SNX31: variants seen among roughly 807,000 people sequenced by gnomAD.
The protein encoded by SNX31 is sorting nexin-31.
In SNX31, 58 loss-of-function variants were observed where a neutral mutation model predicts 65.4. The ratio of observed to expected loss-of-function variants is 0.89; its 90% CI spans 0.72 to 1.10. The LOEUF is 1.10. Among genes scored for constraint, SNX31 ranks in the 50% least tolerant of loss-of-function variants. The probability of loss-of-function intolerance (pLI) is 0.00; values close to 1 mark genes in which losing one functional copy is unlikely to be tolerated. For missense variants in SNX31, 523 were observed against 529.7 expected, an observed-to-expected ratio of 0.99 and a Z score of 0.12; for synonymous variants, 181 against 190.1, an observed-to-expected ratio of 0.95 and a Z score of 0.39.
At chr8:100,651,787 C>T (rs1253856041), upstream of SNX31, among the ~76,000 whole-genome samples, 2 of 152,206 alleles carry the variant, frequency 1.3e-5, no homozygotes, top group Non-Finnish European at 2.9e-5. Context: ...ATATTATTCT[C>T]ATTTCACAGA....
chr8:100,603,634 A>G (rs1029094367), intron 8 of SNX31, among the ~76,000 whole-genome samples: 6 of 151,476 alleles, frequency 4.0e-5, no homozygotes, highest in Non-Finnish European at 8.8e-5. Flanking sequence ...ATGGGGTTTC[A>G]CCATGTTGGT....
At position 100,626,588 on chromosome 8, in the gene SNX31, C is replaced by T. The variant is rs183174485; in HGVS notation, c.321+3739G>A. 6.6e-6 allele frequency among the ~76,000 whole-genome samples: 1 copy of T among 152,276 alleles called. No homozygotes were observed. The highest frequency in any genetic ancestry group is 1.9e-4 in the East Asian group (1 of 5,176). ...TACAACAGATTCGATGAATTCAACT[C>T]AGGCCCCCTCCCCAGTACTATGTGT... On this transcript the variant is annotated intron_variant, in intron 4 of 13. Coordinates refer to ENST00000311812, the MANE Select transcript of SNX31 (RefSeq NM_152628.4). This position sits in a 1 kb window ranked among gnomAD's most constrained non-coding sequence, Gnocchi z 4.4.
At chr8:100,635,772 A>T in intron 3 of SNX31, 125 bp downstream of exon 3, 1 of 629,196 alleles carries the variant, frequency 1.6e-6, no homozygotes, top group Non-Finnish European at 2.7e-6. Context: ...AGATTACGGT[A>T]ATGGTCGCAC....
In SNX31 at chr8:100,618,400, G is replaced by C. The variant is rs1286131919; in HGVS notation, c.322-670C>G. ...ATTTTTTCTGACACTAATTGTGGGT[G>C]GGGGCAGGGGGAAGGTGTTTCCATG... is the stretch of plus-strand genomic sequence containing the variant. On this transcript the variant is annotated intron_variant, in intron 4 of 13. Coordinates refer to ENST00000311812, the MANE Select transcript of SNX31 (RefSeq NM_152628.4). 5 of 1,370,348 alleles carry C rather than the reference G, an allele frequency of 3.6e-6. No individual in the cohort carries two copies. In the East Asian group the frequency reaches 7.5e-5, roughly 20 times the overall value. The allele number at this position is 1,370,348 out of a possible 1,614,324, so 84.9% of individuals were successfully genotyped here.
chr8:100,662,535 T>C lies in SNX31; in HGVS notation c.-58+607A>G, dbSNP rs997794096. Among the ~76,000 whole-genome samples the C allele has an allele frequency of 2.0e-5, 3 of 152,162 alleles. No homozygotes were observed. In the South Asian group the frequency reaches 6.2e-4, roughly 32 times the overall value. Reference sequence around the variant, plus strand: ...CAACGTGGTGAAAACCCGTCTCTACTAAAATACAAAAATTAGCCAGGCGTT... The same window carrying C: ...CAACGTGGTGAAAACCCGTCTCTACCAAAATACAAAAATTAGCCAGGCGTT... On this transcript the variant is annotated intron_variant, in intron 1 of 5. Coordinates refer to the SNX31 transcript ENST00000520352.
chr8:100,581,397 T>C (rs1449896530), intron 12 of SNX31, among the ~76,000 whole-genome samples: 1 of 149,752 alleles, frequency 6.7e-6, no homozygotes, highest in Non-Finnish European at 1.5e-5. Flanking sequence ...GCTGTATGTT[T>C]ACATTATTCT....
In SNX31 at chr8:100,575,243, T is replaced by TATTAA. The variant is rs1812951175; in HGVS notation, c.1228-1284_1228-1283insTTAAT. 6.6e-6 allele frequency among the ~76,000 whole-genome samples: 1 copy of TATTAA among 152,266 alleles called. No homozygotes were observed. The highest frequency in any genetic ancestry group is 6.5e-5 in the Admixed American group (1 of 15,288). On this transcript the variant is annotated intron_variant, in intron 13 of 13. Coordinates refer to ENST00000311812, the MANE Select transcript of SNX31 (RefSeq NM_152628.4). The surrounding 1 kb of genome is among the most constrained non-coding windows in gnomAD (Gnocchi z 5.1). ...TACTGGCTCTGATATTAACTGACTG[T>TATTAA]GTGACCTTGAGCAAGTGACTTAACC...
intron 3 of SNX31, among the ~76,000 whole-genome samples, chr8:100,632,974 G>A (rs1208877962): frequency 6.6e-6 from 1 of 152,062 alleles, no homozygotes; most frequent in African/African-American, 2.4e-5. Context: ...GCCCAGCATG[G>A]AGTGCAGTGG....
In SNX31 at chr8:100,576,718, T is replaced by C. The variant is rs183445125; in HGVS notation, c.1227+301A>G. ...CAAAATATACTAGATATGTAACATA[T>C]ACAAATTAGAAAGAGAGTTGCCTCC... On this transcript the variant is annotated intron_variant, in intron 13 of 13. Coordinates refer to ENST00000311812, the MANE Select transcript of SNX31 (RefSeq NM_152628.4). The surrounding 1 kb of genome is among the most constrained non-coding windows in gnomAD (Gnocchi z 4.8). Among the ~76,000 whole-genome samples the C allele has an allele frequency of 6.6e-6, 1 of 152,236 alleles. No homozygotes were observed. The highest frequency in any genetic ancestry group is 6.5e-5 in the Admixed American group (1 of 15,286).
Position 100,588,988 on chromosome 8 carries a change from G to A in SNX31, c.979-9C>T. 1 of 1,599,830 alleles carries A rather than the reference G, an allele frequency of 6.3e-7. No individual in the cohort carries two copies. The highest frequency in any genetic ancestry group is 8.6e-7 in the Non-Finnish European group (1 of 1,168,628). On this transcript the variant is annotated splice_polypyrimidine_tract_variant and intron_variant, in intron 10 of 13. Coordinates refer to ENST00000311812, the MANE Select transcript of SNX31 (RefSeq NM_152628.4). This position sits in a 1 kb window ranked among gnomAD's most constrained non-coding sequence, Gnocchi z 4.8. ...GTATCCAGCAGAGTTCCCTACAAAG[G>A]AAAATATTTTATATTCAATGTAAAT...
intron 3 of SNX31, among the ~76,000 whole-genome samples, chr8:100,633,249 A>G (rs1818530522): frequency 6.6e-6 from 1 of 152,076 alleles, no homozygotes; most frequent in African/African-American, 2.4e-5. Context: ...TGAAGTTTGA[A>G]TAAGGTCTCT....
rs181184495 is a variant in SNX31 at position 100,633,324 on chromosome 8, T to C, written c.256+2573A>G. Among the ~76,000 whole-genome samples the C allele has an allele frequency of 1.5e-3, 222 of 152,366 alleles. 2 individuals are homozygous for C. Among genetic ancestry groups the C allele is most frequent in the African/African-American group, 5.2e-3 (217 of 41,592 alleles). On this transcript the variant is annotated intron_variant, in intron 3 of 13. Coordinates refer to ENST00000311812, the MANE Select transcript of SNX31 (RefSeq NM_152628.4). ...ATATTGAACATTATTGTATCAATGT[T>C]GTTTCCTGATTTTGCTAACTATACT...
At chr8:100,601,793 C>T (rs539891796) in intron 8 of SNX31, among the ~76,000 whole-genome samples, 8 of 152,308 alleles carry the variant, frequency 5.3e-5, no homozygotes, top group African/African-American at 1.9e-4. Flanking sequence ...AGGCAGAAAT[C>T]GCCTTGAAGG....
chr8:100,646,468 A>G (rs1819649415), intron 2 of SNX31, among the ~76,000 whole-genome samples: 1 of 152,216 alleles, frequency 6.6e-6, no homozygotes, highest in Admixed American at 6.5e-5. Context: ...ATTCTTTCCT[A>G]AATCTGAACA....
intron 10 of SNX31, among the ~76,000 whole-genome samples, chr8:100,593,321 A>G (rs1287401342): frequency 1.3e-5 from 2 of 152,236 alleles, no homozygotes; most frequent in East Asian, 3.8e-4. Flanking sequence ...GATTTTTGAC[A>G]AAGGTATATA....
chr8:100,625,722 G>A lies in SNX31; in HGVS notation c.321+4605C>T, dbSNP rs1171316601. Among the ~76,000 whole-genome samples, 1 of 152,164 alleles carries A rather than the reference G, an allele frequency of 6.6e-6. No individual in the cohort carries two copies. ...AGGAGGGAATCAGAGGTCTCAAAGT[G>A]CTGCAGAACTCAAGCAACGCATAAG... is the stretch of plus-strand genomic sequence containing the variant. On this transcript the variant is annotated intron_variant, in intron 4 of 13. Coordinates refer to ENST00000311812, the MANE Select transcript of SNX31 (RefSeq NM_152628.4). The surrounding 1 kb of genome is among the most constrained non-coding windows in gnomAD (Gnocchi z 4.2).
intron 12 of SNX31, among the ~76,000 whole-genome samples, chr8:100,581,309 T>TA: frequency 8.0e-6 from 1 of 125,252 alleles, no homozygotes; most frequent in African/African-American, 4.6e-5. Flanking sequence ...TAAAAAAATT[T>TA]TTTATATATC....
chr8:100,581,724 A>G lies in SNX31; in HGVS notation c.1170+2387T>C, dbSNP rs561485365. Reference sequence around the variant, plus strand: ...GTCCTAGTCCATACAAGCCTTCTATAAGTGCTATGTGTCAGTTTTGACTTT... The same window carrying G: ...GTCCTAGTCCATACAAGCCTTCTATGAGTGCTATGTGTCAGTTTTGACTTT... On this transcript the variant is annotated intron_variant, in intron 12 of 13. Transcript: ENST00000311812. Among the ~76,000 whole-genome samples, 8 of 152,238 alleles carry G rather than the reference A, an allele frequency of 5.3e-5. 1 individual carries two copies. In the South Asian group the frequency reaches 1.7e-3, roughly 32 times the overall value.
chr8:100,618,526 T>G, intron 4 of SNX31: 1 of 602,096 alleles, frequency 1.7e-6, no homozygotes, highest in Admixed American at 2.9e-5. Context: ...ATCCCTCACG[T>G]TTAAGGGCTC....
Sources: gnomAD v4.1 joint callset for allele counts (sites outside exome capture counted in the v4.1 genomes callset) on GRCh38, gnomAD v4.1.1 for gene constraint, Gnocchi (gnomAD v3.1) non-coding constraint, MANE v1.5 for transcripts, NCBI Gene and HGNC (gene_info 2026-07-23, HGNC 2026-07-21) for gene names.